Variants in ADCK1 observed in about 807,000 individuals in gnomAD.
ADCK1 encodes the protein aarF domain containing kinase 1, also known as aarF domain-containing protein kinase 1.
ADCK1 carries 41 observed loss-of-function variants against 52.3 expected under a neutral mutation model. That is an observed-to-expected ratio of 0.78 (90% CI 0.61 to 1.02). The LOEUF (loss-of-function observed/expected upper bound fraction) is 1.02. ADCK1 is among the 50% of genes least tolerant of loss of function. ADCK1 has a pLI of 0.00. For missense variants in ADCK1, 658 were observed against 679.5 expected (o/e 0.97, Z 0.35); for synonymous variants, 250 against 274.6 (o/e 0.91, Z 0.89).
chr14:77,867,600 C>T (rs1033664806), intron 4 of ADCK1, among the ~76,000 whole-genome samples: 8 of 152,232 alleles, frequency 5.3e-5, no homozygotes, highest in African/African-American at 1.2e-4. Context: ...TCAGCACGGA[C>T]GGATGGCCTG....
Position 77,921,374 on chromosome 14 carries a change from A to AAAAACAAACT in ADCK1, c.859-3082_859-3073dup, listed in dbSNP as rs2084057031. Among the ~76,000 whole-genome samples the AAAAACAAACT allele has an allele frequency of 2.7e-5, 4 of 149,328 alleles. No homozygotes were observed. The South Asian group carries it at 8.6e-4, about 32-fold the overall frequency. ...GAAAAAAAAGTTAAGCTACTGCATG[A>AAAAACAAACT]AAAACAAACTGTGGTGTGCGTCTTA... On this transcript the variant is annotated intron_variant, in intron 7 of 10. Coordinates refer to ENST00000238561, the MANE Select transcript of ADCK1 (RefSeq NM_020421.4).
intron 4 of ADCK1, among the ~76,000 whole-genome samples, chr14:77,883,716 G>A (rs566736071): frequency 6.6e-6 from 1 of 152,226 alleles, no homozygotes; most frequent in South Asian, 2.1e-4. Flanking sequence ...GTGGGGTGGG[G>A]TGTCTGTGTG....
Position 77,933,551 on chromosome 14 carries a change from A to G in ADCK1, c.*160A>G, listed in dbSNP as rs1387546012. ...TCCTCCTTTGGAATCCTCTCCGCAC[A>G]CTGTGGCCCTTGTCTCAGGGCCCAC... On this transcript the variant is annotated 3_prime_UTR_variant, in exon 11 of 11. Transcript: ENST00000238561. 4.9e-6 allele frequency: 4 copies of G among 812,030 alleles called. No individual in the cohort carries two copies. The highest frequency in any genetic ancestry group is 3.4e-5 in the African/African-American group (2 of 58,324). The allele number at this position is 812,030 out of a possible 1,614,324, so 50.3% of individuals were successfully genotyped here.
At chr14:77,809,383 G>A (rs541932780) in intron 1 of ADCK1, among the ~76,000 whole-genome samples, 2 of 152,222 alleles carry the variant, frequency 1.3e-5, no homozygotes, top group Non-Finnish European at 2.9e-5. Flanking sequence ...AGGCTGGAGT[G>A]CAATGGCGTG....
intron 4 of ADCK1, among the ~76,000 whole-genome samples, chr14:77,878,456 A>G (rs1442555711): frequency 6.6e-6 from 1 of 152,176 alleles, no homozygotes; most frequent in Non-Finnish European, 1.5e-5. Context: ...GTATTGACCC[A>G]AGCTCAAATT....
rs138749473 is a variant in ADCK1 at position 77,933,489 on chromosome 14, C to T, written c.*98C>T. The T allele has an allele frequency of 4.9e-5, 71 of 1,444,812 alleles. 1 individual carries two copies. The highest frequency in any genetic ancestry group is 2.1e-4 in the South Asian group (17 of 81,886). The allele number at this position is 1,444,812 out of a possible 1,614,324, so 89.5% of individuals were successfully genotyped here. On this transcript the variant is annotated 3_prime_UTR_variant, in exon 11 of 11. Transcript: ENST00000238561. Reference sequence around the variant, plus strand: ...GCTCCATTTTTGCCACATCGTGGCCCGCAGCCCCAGAGTCACTGTCCATGT... The same window carrying T: ...GCTCCATTTTTGCCACATCGTGGCCTGCAGCCCCAGAGTCACTGTCCATGT...
intron 4 of ADCK1, among the ~76,000 whole-genome samples, chr14:77,863,328 A>T (rs925998560): frequency 1.3e-5 from 2 of 152,116 alleles, no homozygotes; most frequent in African/African-American, 4.8e-5. Context: ...ATCTTTGAAA[A>T]GTGGAGGAAG....
intron 8 of ADCK1, 98 bp from the exon 9 acceptor site, chr14:77,925,666 C>T: frequency 4.1e-6 from 5 of 1,228,092 alleles, no homozygotes; most frequent in Non-Finnish European, 5.8e-6. Flanking sequence ...AGGCACAGTC[C>T]TCACCGTCGT....
chr14:77,852,901 ATATATATTTTTTTTTT>A (rs1425115488), intron 3 of ADCK1, among the ~76,000 whole-genome samples: 16 of 32,164 alleles, frequency 5.0e-4, no homozygotes, highest in South Asian at 4.2e-3. Context: ...ATATATATAT[ATATATATTTTTTTTTT>A]TTTTTTTTTT....
At chr14:77,880,920 T>C (rs915750287) in intron 4 of ADCK1, among the ~76,000 whole-genome samples, 2 of 152,204 alleles carry the variant, frequency 1.3e-5, no homozygotes, top group Non-Finnish European at 2.9e-5. Flanking sequence ...GGCTAAGGAA[T>C]AGCAAATTGG....
At chr14:77,836,406 G>A (rs2081960800) in intron 3 of ADCK1, among the ~76,000 whole-genome samples, 1 of 152,232 alleles carries the variant, frequency 6.6e-6, no homozygotes, top group Admixed American at 6.5e-5. Context: ...AATTTTTACA[G>A]TAGCCCAATG....
chr14:77,913,412 G>T (rs2083841789), intron 7 of ADCK1, among the ~76,000 whole-genome samples: 1 of 152,186 alleles, frequency 6.6e-6, no homozygotes, highest in South Asian at 2.1e-4. Context: ...AGCCTGCAGG[G>T]GCCCTCATTT....
chr14:77,839,852 G>A (rs1249566872), intron 3 of ADCK1, among the ~76,000 whole-genome samples: 4 of 147,486 alleles, frequency 2.7e-5, no homozygotes, highest in Non-Finnish European at 5.9e-5. Context: ...CCGGGAAGTC[G>A]AGGCTGCAGC....
chr14:77,879,147 G>C (rs575680057), intron 4 of ADCK1, among the ~76,000 whole-genome samples: 2 of 152,218 alleles, frequency 1.3e-5, no homozygotes, highest in African/African-American at 4.8e-5. Context: ...GGATCAGCTG[G>C]AGGGCCCAAG....
At chr14:77,921,780 C>T (rs1232462076) in intron 7 of ADCK1, among the ~76,000 whole-genome samples, 1 of 152,172 alleles carries the variant, frequency 6.6e-6, no homozygotes, top group Admixed American at 6.5e-5. Context: ...CCAACCCCAC[C>T]AGCAGCAGCT....
intron 7 of ADCK1, among the ~76,000 whole-genome samples, chr14:77,909,564 G>T (rs565366739): frequency 3.9e-5 from 6 of 152,148 alleles, no homozygotes; most frequent in Non-Finnish European, 8.8e-5. Flanking sequence ...ATGAGCCCAG[G>T]GGGGTGGCAG....
In ADCK1 at chr14:77,886,959, ACTCT is replaced by A. The variant is rs1185012375; in HGVS notation, c.424-123_424-120del. ...ACACACACGCACAACACACACACACACTCTCTCTCTCTTTCTCTCTCAAATCTGT... is the reference window on the plus strand; with the variant it reads ...ACACACACGCACAACACACACACACACTCTCTCTTTCTCTCTCAAATCTGT... On this transcript the variant is annotated intron_variant, in intron 4 of 10. Transcript: ENST00000238561. The A allele has an allele frequency of 6.6e-4, 609 of 921,048 alleles. 1 individual carries two copies. The highest frequency in any genetic ancestry group is 2.6e-3 in the Middle Eastern group (11 of 4,268). 57.1% of individuals were successfully genotyped at this position (921,048 alleles called of 1,614,324 possible).
In ADCK1 at chr14:77,899,311, G is replaced by A. The variant is rs561134167; in HGVS notation, c.741+53G>A. On this transcript the variant is annotated intron_variant, in intron 6 of 10. Transcript: ENST00000238561. Reference sequence around the variant, plus strand: ...TGGTGGTCTGGTGGAAGAGTGTAGCGGTATGTGGGTCCCTGCCTTGAGCAT... The same window carrying A: ...TGGTGGTCTGGTGGAAGAGTGTAGCAGTATGTGGGTCCCTGCCTTGAGCAT... The A allele has an allele frequency of 1.1e-5, 18 of 1,597,410 alleles. No homozygotes were observed. In the Admixed American group the frequency reaches 1.5e-4, roughly 13 times the overall value.
At chr14:77,891,284 A>G (rs2083278506) in intron 5 of ADCK1, among the ~76,000 whole-genome samples, 1 of 152,208 alleles carries the variant, frequency 6.6e-6, no homozygotes, top group African/African-American at 2.4e-5. Flanking sequence ...GCATCCGCCT[A>G]CAAACCTGAT....
Sources: gnomAD v4.1 joint callset for allele counts (sites outside exome capture counted in the v4.1 genomes callset) on GRCh38, gnomAD v4.1.1 for gene constraint, MANE v1.5 for transcripts, NCBI Gene and HGNC (gene_info 2026-07-23, HGNC 2026-07-21) for gene names.